Variants in RNF43 observed in about 807,000 individuals in gnomAD.
RNF43 encodes ring finger protein 43, also known as E3 ubiquitin-protein ligase RNF43.
A neutral mutation model predicts 78.4 loss-of-function variants in RNF43; 37 were observed. The ratio of observed to expected loss-of-function variants is 0.47; its 90% confidence interval spans 0.36 to 0.62. RNF43 has a LOEUF of 0.62. Among genes scored for constraint, RNF43 ranks in the 20% least tolerant of loss-of-function variants. RNF43 has a pLI of 0.00. For synonymous variants in RNF43, 347 were observed against 395.0 expected (o/e 0.88, Z 1.44); for missense variants, 774 against 1,007.9 (o/e 0.77, Z 3.14).
At chr17:58,406,801 T>C (rs916297466) in intron 2 of RNF43, among the ~76,000 whole-genome samples, 1 of 151,872 alleles carries the variant, frequency 6.6e-6, no homozygotes, top group African/African-American at 2.4e-5. Flanking sequence ...TTATAAGGCC[T>C]TTAGTCTCAT....
intron 1 of RNF43, chr17:58,416,637 C>G (rs1460636094): frequency 6.6e-6 from 1 of 152,126 alleles, no homozygotes; most frequent in Non-Finnish European, 1.5e-5. Context: ...TCACATGTAT[C>G]CAAATTCCCT....
chr17:58,354,876 ACT>A lies in RNF43; in HGVS notation c.*65_*66del. 7.2e-7 allele frequency: 1 copy of A among 1,390,954 alleles called. No homozygotes were observed. Among genetic ancestry groups the A allele is most frequent in the Non-Finnish European group, 1.0e-6 (1 of 976,980 alleles). The allele number at this position is 1,390,954 out of a possible 1,614,324, so 86.2% of individuals were successfully genotyped here. A position where few individuals can be genotyped will look rare whatever the true frequency, so the allele number is the denominator to read the frequency against. On this transcript the variant is annotated 3_prime_UTR_variant, in exon 10 of 10. Coordinates refer to ENST00000407977, the MANE Select transcript of RNF43 (RefSeq NM_017763.6). ...GGTCCTTTCCTTTCCCAGGAGCAGGACTCTGTGCCAGGTAGGGCCCAAACACA... is the reference window on the plus strand; with the variant it reads ...GGTCCTTTCCTTTCCCAGGAGCAGGACTGTGCCAGGTAGGGCCCAAACACA...
At chr17:58,367,269 G>T (rs1972976540) in intron 3 of RNF43, among the ~76,000 whole-genome samples, 1 of 152,116 alleles carries the variant, frequency 6.6e-6, no homozygotes, top group Non-Finnish European at 1.5e-5. Context: ...AAAGTGCTGG[G>T]ATTACCACAC....
rs1346057375 is a variant in RNF43 at position 58,358,181 on chromosome 17, G to A, written c.1595C>T (p.Ser532Phe). 2 of 1,612,564 alleles carry A rather than the reference G, an allele frequency of 1.2e-6. No individual in the cohort carries two copies. Among genetic ancestry groups the A allele is most frequent in the Non-Finnish European group, 1.7e-6 (2 of 1,179,364 alleles). The change falls in exon 9 of 10, where the codon TCC becomes TTC. Residue 532 changes from serine to phenylalanine, a missense_variant. By Grantham distance (155) the Ser-to-Phe change is radical (BLOSUM62 -2). Transcript: ENST00000407977. This position sits in a 1 kb window ranked among gnomAD's most constrained non-coding sequence, Gnocchi z 6.2. Reference protein sequence around the residue: ...MQPSVTSRPRSLDSVVPTGET... With the variant: ...MQPSVTSRPRFLDSVVPTGET... Reference sequence around the variant, plus strand: ...CCCTGTGGGCACCACCGAGTCCAAGGAACGAGGCCGAGAGGTCACACTAGG... The same window carrying A: ...CCCTGTGGGCACCACCGAGTCCAAGAAACGAGGCCGAGAGGTCACACTAGG...
At chr17:58,359,866 C>T (rs574215633) in intron 8 of RNF43, among the ~76,000 whole-genome samples, 71 of 151,924 alleles carry the variant, frequency 4.7e-4, no homozygotes, top group Non-Finnish European at 7.1e-4. Context: ...GAGGAGGTTG[C>T]GGTGAACCGA....
At chr17:58,364,391 T>C (rs945853494) in intron 3 of RNF43, among the ~76,000 whole-genome samples, 5 of 152,148 alleles carry the variant, frequency 3.3e-5, no homozygotes, top group East Asian at 1.9e-4. Context: ...AAGAGTCAGC[T>C]TGAGGAAGCA....
At chr17:58,389,353 G>GA (rs1345930590) in intron 2 of RNF43, among the ~76,000 whole-genome samples, 1 of 152,016 alleles carries the variant, frequency 6.6e-6, no homozygotes, top group African/African-American at 2.4e-5. Context: ...GGGGAAATTA[G>GA]AAAAAAGCTA....
At chr17:58,359,934 A>G (rs966583126) in intron 8 of RNF43, among the ~76,000 whole-genome samples, 1 of 152,202 alleles carries the variant, frequency 6.6e-6, no homozygotes, top group Non-Finnish European at 1.5e-5. Flanking sequence ...CTCAAAAAAT[A>G]AAAATTAAAA....
At chr17:58,371,451 C>A (rs992004231) in intron 2 of RNF43, among the ~76,000 whole-genome samples, 3 of 152,250 alleles carry the variant, frequency 2.0e-5, no homozygotes, top group African/African-American at 7.2e-5. Flanking sequence ...TGTGTGCCTG[C>A]ATCAGTGCTT....
chr17:58,378,777 G>T (rs1039218344), intron 2 of RNF43, among the ~76,000 whole-genome samples: 1 of 152,134 alleles, frequency 6.6e-6, no homozygotes, highest in African/African-American at 2.4e-5. Context: ...TGACAAGATA[G>T]AACTGAAATG....
In RNF43 at chr17:58,362,702, A is replaced by G. The variant is rs1480849031; in HGVS notation, c.583-54T>C. ...CATACTTCCGGGATGAGCTGGGTCA[A>G]TTCGGGAGGAAACACAGGAGCCCGG... On this transcript the variant is annotated intron_variant, in intron 5 of 9. Coordinates refer to ENST00000407977, the MANE Select transcript of RNF43 (RefSeq NM_017763.6). The G allele has an allele frequency of 1.5e-5, 21 of 1,415,836 alleles. No individual in the cohort carries two copies. In the East Asian group the frequency reaches 5.0e-4, roughly 34 times the overall value. The allele number at this position is 1,415,836 out of a possible 1,614,324, so 87.7% of individuals were successfully genotyped here.
At chr17:58,399,522 G>T (rs1973750656) in intron 2 of RNF43, among the ~76,000 whole-genome samples, 1 of 152,164 alleles carries the variant, frequency 6.6e-6, no homozygotes, top group African/African-American at 2.4e-5. Flanking sequence ...ATGAACTGGG[G>T]AAAGTAGTCC....
intron 2 of RNF43, among the ~76,000 whole-genome samples, chr17:58,379,597 A>G (rs1436777247): frequency 6.6e-6 from 1 of 152,198 alleles, no homozygotes; most frequent in Non-Finnish European, 1.5e-5. Flanking sequence ...CTGGAGCTCC[A>G]TGATGCAACT....
At chr17:58,371,556 C>T (rs1454742553) in intron 2 of RNF43, among the ~76,000 whole-genome samples, 2 of 152,274 alleles carry the variant, frequency 1.3e-5, no homozygotes, top group African/African-American at 4.8e-5. Flanking sequence ...TCCCATTTCT[C>T]AGGAGGCTGG....
At position 58,405,307 on chromosome 17, in the gene RNF43, G is replaced by A. The variant is rs188245247; in HGVS notation, c.252+10019C>T. Among the ~76,000 whole-genome samples the A allele has an allele frequency of 1.4e-3, 206 of 152,022 alleles. 2 individuals are homozygous for A. In the East Asian group the frequency reaches 0.036, roughly 27 times the overall value. The stretch of plus-strand genomic sequence containing the variant: ...TTAGCCAGGATGGTCTCGATCTCCT[G>A]ACCTCGTGATCCACCTGCCTCGGCC... On this transcript the variant is annotated intron_variant, in intron 2 of 9. Transcript: ENST00000407977.
intron 2 of RNF43, among the ~76,000 whole-genome samples, chr17:58,394,609 G>A (rs1242038101): frequency 6.6e-6 from 1 of 152,206 alleles, no homozygotes; most frequent in Non-Finnish European, 1.5e-5. Context: ...TATGCTTAGA[G>A]GTCTTACTTT....
chr17:58,384,434 C>G (rs1269699487), intron 2 of RNF43, among the ~76,000 whole-genome samples: 2 of 152,216 alleles, frequency 1.3e-5, no homozygotes, highest in Non-Finnish European at 2.9e-5. Context: ...CAAAGCAACA[C>G]TACCCTTTGT....
At position 58,358,472 on chromosome 17, in the gene RNF43, A is replaced by C. The variant is rs778332855; in HGVS notation, c.1304T>G (p.Leu435Arg). 2 of 1,613,946 alleles carry C rather than the reference A, an allele frequency of 1.2e-6. No homozygotes were observed. Among genetic ancestry groups the C allele is most frequent in the Non-Finnish European group, 1.7e-6 (2 of 1,179,936 alleles). Residue 435 changes from leucine to arginine, a missense_variant, in exon 9 of 10, where the codon CTA (leucine) becomes CGA (arginine). Physicochemically the swap from Leu to Arg is moderately radical, Grantham distance 102. Coordinates refer to ENST00000407977, the MANE Select transcript of RNF43 (RefSeq NM_017763.6). This position sits in a 1 kb window ranked among gnomAD's most constrained non-coding sequence, Gnocchi z 6.2. ...GCTGTCAGGGGGCCTGGCCCGGCGTAGGGGCACTGGGCAAGCAGCAGGGTG... is the reference window on the plus strand; with the variant it reads ...GCTGTCAGGGGGCCTGGCCCGGCGTCGGGGCACTGGGCAAGCAGCAGGGTG... ...SQHPAACPVPLRRARPPDSSG... is the reference protein window; with the variant it reads ...SQHPAACPVPRRRARPPDSSG...
In RNF43 at chr17:58,357,800, C is replaced by G. The variant is rs769970658; in HGVS notation, c.1976G>C (p.Gly659Ala). 35 of 1,613,658 alleles carry G rather than the reference C, an allele frequency of 2.2e-5. No homozygotes were observed. The Middle Eastern group carries it at 5.0e-4, about 23-fold the overall frequency. Residue 659 changes from glycine to alanine, a missense_variant, in exon 9 of 10, where the codon GGT becomes GCT. Gly to Ala is a moderately conservative substitution (Grantham distance 60). Coordinates refer to ENST00000407977, the MANE Select transcript of RNF43 (RefSeq NM_017763.6). The surrounding 1 kb of genome is among the most constrained non-coding windows in gnomAD (Gnocchi z 4.5). Reference protein sequence around the residue: ...ARHPQRKRRGGPSEPTPGSRP... With the variant: ...ARHPQRKRRGAPSEPTPGSRP... The stretch of plus-strand genomic sequence containing the variant: ...AGAGCCAGGGGTGGGCTCGGAGGGA[C>G]CCCCCCGCCTTTTCCTCTGTGGGTG...
Sources: allele counts gnomAD v4.1 joint callset (sites outside exome capture counted in the v4.1 genomes callset), GRCh38; gene constraint gnomAD v4.1.1; non-coding constraint Gnocchi (gnomAD v3.1); transcripts MANE v1.5; gene names NCBI Gene and HGNC (gene_info 2026-07-23, HGNC 2026-07-21).